Variants in TAF3 observed in about 807,000 individuals in gnomAD.
TAF3 encodes transcription initiation factor TFIID subunit 3.
Under a neutral mutation model 80.6 loss-of-function variants are expected in TAF3, and 7 were observed. The observed-to-expected ratio is 0.09, with a 90% CI of 0.05 to 0.16. The LOEUF is 0.16. Ranked by LOEUF, TAF3 falls within the 10% of genes least tolerant of loss-of-function variation. The probability of loss-of-function intolerance (pLI) is 1.00; values close to 1 mark genes in which losing one functional copy is unlikely to be tolerated. For missense variants in TAF3, 921 were observed against 1,140.2 expected (o/e 0.81, Z 2.77); for synonymous variants, 444 against 446.1 (o/e 1.00, Z 0.06).
chr10:7,877,560 G>A (rs905950029), intron 2 of TAF3, among the ~76,000 whole-genome samples: 6 of 152,016 alleles, frequency 3.9e-5, no homozygotes, highest in Admixed American at 1.3e-4. Flanking sequence ...TGAGAATATG[G>A]CATTTATTGT....
chr10:7,877,272 G>A (rs1025908529), intron 2 of TAF3, among the ~76,000 whole-genome samples: 1 of 152,046 alleles, frequency 6.6e-6, no homozygotes, highest in Non-Finnish European at 1.5e-5. Flanking sequence ...TTGTGACTTT[G>A]GGGATCATCA....
chr10:7,965,832 G>A (rs1831566179), intron 3 of TAF3, 90 bp downstream of exon 3: 3 of 1,383,982 alleles, frequency 2.2e-6, no homozygotes, highest in Middle Eastern at 1.9e-4. Context: ...CTGTATTCTG[G>A]GTGTAAATCA....
intron 4 of TAF3, among the ~76,000 whole-genome samples, chr10:7,998,993 C>T (rs550754414): frequency 4.6e-5 from 7 of 152,104 alleles, no homozygotes; most frequent in Non-Finnish European, 8.8e-5. Flanking sequence ...CCTTCAGGAT[C>T]TGATTGTACC....
intron 2 of TAF3, among the ~76,000 whole-genome samples, chr10:7,878,812 T>C (rs1295749951): frequency 1.3e-5 from 2 of 152,032 alleles, no homozygotes; most frequent in African/African-American, 2.4e-5. Context: ...CACTGCAACC[T>C]TTGCCTCTGG....
intron 2 of TAF3, among the ~76,000 whole-genome samples, chr10:7,881,505 A>C (rs1413733401): frequency 6.6e-6 from 1 of 152,000 alleles, no homozygotes; most frequent in African/African-American, 2.4e-5. Flanking sequence ...ACACACACAC[A>C]CACACACACT....
intron 2 of TAF3, among the ~76,000 whole-genome samples, chr10:7,917,762 TG>T (rs1172506901): frequency 5.9e-5 from 9 of 151,696 alleles, no homozygotes; most frequent in Non-Finnish European, 1.3e-4. Flanking sequence ...AGAGAGGAAA[TG>T]AGGAAAGATG....
At chr10:7,858,898 T>C (rs1223931968) in intron 2 of TAF3, among the ~76,000 whole-genome samples, 2 of 152,130 alleles carry the variant, frequency 1.3e-5, no homozygotes, top group Admixed American at 1.3e-4. Context: ...GAATGTATCC[T>C]CCTCCATTAC....
chr10:7,864,670 G>C (rs775011480), intron 2 of TAF3, among the ~76,000 whole-genome samples: 1 of 152,022 alleles, frequency 6.6e-6, no homozygotes. Flanking sequence ...TTATTATTCA[G>C]CTGTGAAAGT....
intron 1 of TAF3, among the ~76,000 whole-genome samples, chr10:7,823,182 T>G (rs1441147965): frequency 6.6e-6 from 1 of 152,206 alleles, no homozygotes; most frequent in East Asian, 1.9e-4. Context: ...TTTTAAAAAT[T>G]GATTTAATGG....
intron 2 of TAF3, among the ~76,000 whole-genome samples, chr10:7,858,499 G>A (rs538404528): frequency 1.3e-5 from 2 of 152,216 alleles, no homozygotes; most frequent in South Asian, 2.1e-4. Context: ...CACTAGTTCC[G>A]GATCTTACTG....
At chr10:7,938,000 T>G (rs1225134242) in intron 2 of TAF3, among the ~76,000 whole-genome samples, 2 of 152,120 alleles carry the variant, frequency 1.3e-5, no homozygotes, top group Admixed American at 6.5e-5. Context: ...GATTTTGCAA[T>G]AGATGGTGGC....
intron 4 of TAF3, among the ~76,000 whole-genome samples, chr10:7,979,364 A>AG (rs1831703462): frequency 4.3e-5 from 1 of 23,422 alleles, no homozygotes; most frequent in Non-Finnish European, 1.3e-4. Context: ...AAAAAAATGA[A>AG]AAAAAAAAAA....
chr10:8,005,242 T>C (rs1461545296), intron 4 of TAF3, among the ~76,000 whole-genome samples: 3 of 152,256 alleles, frequency 2.0e-5, no homozygotes, highest in Non-Finnish European at 4.4e-5. Flanking sequence ...CTAGCTGTTA[T>C]TTCTTAACAG....
intron 2 of TAF3, among the ~76,000 whole-genome samples, chr10:7,877,218 A>T (rs1246821135): frequency 6.6e-6 from 1 of 152,150 alleles, no homozygotes; most frequent in Non-Finnish European, 1.5e-5. Context: ...AGTCTTTAGA[A>T]ATAATTTATA....
At chr10:7,878,305 G>A (rs1837328765) in intron 2 of TAF3, among the ~76,000 whole-genome samples, 1 of 152,158 alleles carries the variant, frequency 6.6e-6, no homozygotes, top group Admixed American at 6.5e-5. Context: ...ATATTATATA[G>A]CAATGAATAA....
intron 2 of TAF3, among the ~76,000 whole-genome samples, chr10:7,939,828 G>A (rs74342746): frequency 0.015 from 2,235 of 152,220 alleles, 30 homozygotes; most frequent in South Asian, 0.05. Flanking sequence ...AAACTACAGA[G>A]TTAATTCATG....
In TAF3 at chr10:7,818,620, C is replaced by A; in HGVS notation, c.-90C>A. 7.0e-7 allele frequency: 1 copy of A among 1,438,146 alleles called. No individual in the cohort carries two copies. The highest frequency in any genetic ancestry group is 1.3e-5 in the South Asian group (1 of 74,610). 89.1% of individuals were successfully genotyped at this position (1,438,146 alleles called of 1,614,324 possible). ...GGACCCTTTCCCCGCCGCGGAAGCC[C>A]TAGAGGATGAATCGGGGACCCTGCT... On this transcript the variant is annotated 5_prime_UTR_variant, in exon 1 of 7. Transcript: ENST00000344293.
chr10:8,011,563 A>G (rs1394697915), intron 5 of TAF3, among the ~76,000 whole-genome samples: 2 of 152,200 alleles, frequency 1.3e-5, no homozygotes, highest in Non-Finnish European at 2.9e-5. Context: ...GGCATGAGCA[A>G]CCACGCCTGG....
At chr10:8,001,506 T>C (rs1170699857) in intron 4 of TAF3, among the ~76,000 whole-genome samples, 5 of 152,238 alleles carry the variant, frequency 3.3e-5, no homozygotes, top group African/African-American at 1.2e-4. Flanking sequence ...AATGCTTTAT[T>C]GTTGCAAGTA....
Sources: allele counts gnomAD v4.1 joint callset (sites outside exome capture counted in the v4.1 genomes callset), GRCh38; gene constraint gnomAD v4.1.1; transcripts MANE v1.5; gene names NCBI Gene and HGNC (gene_info 2026-07-23, HGNC 2026-07-21).